PPP2R5E: variants seen among roughly 807,000 people sequenced by gnomAD.
The protein encoded by PPP2R5E is serine/threonine-protein phosphatase 2A 56 kDa regulatory subunit epsilon isoform.
PPP2R5E carries 4 observed loss-of-function variants against 65.3 expected under a neutral mutation model. The ratio of observed to expected loss-of-function variants is 0.06; its 90% confidence interval spans 0.03 to 0.14. PPP2R5E has a LOEUF of 0.14. Ranked by LOEUF, PPP2R5E falls within the 10% of genes least tolerant of loss-of-function variation. PPP2R5E has a pLI of 1.00. For missense variants in PPP2R5E, 274 were observed against 556.1 expected, an observed-to-expected ratio of 0.49 and a Z score of 5.10; for synonymous variants, 183 against 187.4, an observed-to-expected ratio of 0.98 and a Z score of 0.19.
chr14:63,471,155 A>G (rs975075439), intron 2 of PPP2R5E, among the ~76,000 whole-genome samples: 5 of 152,238 alleles, frequency 3.3e-5, no homozygotes, highest in Non-Finnish European at 7.3e-5. Context: ...TGGAGAGTAC[A>G]CATAAAAATG....
intron 5 of PPP2R5E, among the ~76,000 whole-genome samples, chr14:63,397,626 T>C (rs953819744): frequency 6.6e-6 from 1 of 152,028 alleles, no homozygotes; most frequent in South Asian, 2.1e-4. Context: ...GCAATGGTCC[T>C]TTTTAGATCC....
At chr14:63,510,600 T>C (rs74056136) in intron 2 of PPP2R5E, among the ~76,000 whole-genome samples, 1 of 152,146 alleles carries the variant, frequency 6.6e-6, no homozygotes, top group African/African-American at 2.4e-5. Flanking sequence ...ACACGCTGAG[T>C]ATCCGGTAGA....
intron 10 of PPP2R5E, 41 bp from the exon 11 acceptor site, chr14:63,389,772 G>GA (rs777502372): frequency 3.9e-5 from 59 of 1,509,398 alleles, no homozygotes; most frequent in East Asian, 2.9e-4. Flanking sequence ...GGCACATCAT[G>GA]AAAAAAAATC....
chr14:63,450,692 T>G (rs1284169096), intron 3 of PPP2R5E, among the ~76,000 whole-genome samples: 2 of 151,820 alleles, frequency 1.3e-5, no homozygotes, highest in Non-Finnish European at 2.9e-5. Context: ...GTATTATGGA[T>G]GCCACAGATA....
chr14:63,457,298 T>C (rs924446369), intron 2 of PPP2R5E, among the ~76,000 whole-genome samples: 3 of 152,204 alleles, frequency 2.0e-5, no homozygotes, highest in African/African-American at 7.2e-5. Context: ...AAGCAGTCCC[T>C]GAAGTAGATC....
chr14:63,496,774 G>A (rs1891592429), intron 2 of PPP2R5E, among the ~76,000 whole-genome samples: 1 of 149,882 alleles, frequency 6.7e-6, no homozygotes, highest in Admixed American at 6.7e-5. Flanking sequence ...AATCTTAAAA[G>A]AATAAGCAAA....
intron 2 of PPP2R5E, among the ~76,000 whole-genome samples, chr14:63,469,698 A>C (rs1159429012): frequency 1.3e-5 from 2 of 152,240 alleles, no homozygotes; most frequent in African/African-American, 4.8e-5. Context: ...CGTTTCAAAA[A>C]AATCAAGTAA....
intron 2 of PPP2R5E, among the ~76,000 whole-genome samples, chr14:63,516,328 G>GA (rs1446619702): frequency 2.6e-5 from 4 of 151,910 alleles, no homozygotes; most frequent in Non-Finnish European, 5.9e-5. Context: ...GGAAGAAAAA[G>GA]AAAAAAATCT....
intron 13 of PPP2R5E, among the ~76,000 whole-genome samples, chr14:63,379,826 C>CTTTTTTTTTTTTTT (rs558475440): frequency 2.0e-5 from 2 of 100,300 alleles, no homozygotes; most frequent in African/African-American, 1.0e-4. Flanking sequence ...TATTCTCTCT[C>CTTTTTTTTTTTTTT]TTTTTTTTTT....
At chr14:63,380,676 A>C (rs1566661476) in intron 13 of PPP2R5E, among the ~76,000 whole-genome samples, 1 of 152,090 alleles carries the variant, frequency 6.6e-6, no homozygotes, top group Non-Finnish European at 1.5e-5. Context: ...AACAAAAAAA[A>C]AAAAGTTGTT....
chr14:63,396,754 GTT>G, intron 5 of PPP2R5E, 38 bp from the exon 6 acceptor site: 1 of 1,596,840 alleles, frequency 6.3e-7, no homozygotes, highest in Middle Eastern at 1.7e-4. Context: ...GTCAAAGGCG[GTT>G]TCAGAAAAGG....
chr14:63,474,687 A>C (rs1363894679), intron 2 of PPP2R5E, among the ~76,000 whole-genome samples: 6 of 150,488 alleles, frequency 4.0e-5, no homozygotes, highest in South Asian at 2.1e-4. Context: ...AAAAAAAAAA[A>C]AAAAAAAAAA....
At chr14:63,477,557 G>A (rs1470205118) in intron 2 of PPP2R5E, among the ~76,000 whole-genome samples, 1 of 152,012 alleles carries the variant, frequency 6.6e-6, no homozygotes, top group Non-Finnish European at 1.5e-5. Context: ...AAGGAGATGG[G>A]AAGGAGAGGA....
intron 2 of PPP2R5E, among the ~76,000 whole-genome samples, chr14:63,512,403 G>A (rs28744493): frequency 0.13 from 20,489 of 152,150 alleles, 1,504 homozygotes; most frequent in African/African-American, 0.17. Context: ...AAGAGTAAAA[G>A]CATTTATGCT....
At chr14:63,400,372 T>C (rs1373470061) in intron 5 of PPP2R5E, among the ~76,000 whole-genome samples, 1 of 152,168 alleles carries the variant, frequency 6.6e-6, no homozygotes, top group Non-Finnish European at 1.5e-5. Flanking sequence ...CAAAGGCTTC[T>C]AAAGGAAGAG....
chr14:63,513,404 C>A (rs1006355081), intron 2 of PPP2R5E, among the ~76,000 whole-genome samples: 3 of 152,156 alleles, frequency 2.0e-5, no homozygotes, highest in Non-Finnish European at 4.4e-5. Context: ...AAATACTGTA[C>A]AATCTTTCAA....
chr14:63,512,239 A>T (rs1448810254), intron 2 of PPP2R5E, among the ~76,000 whole-genome samples: 1 of 152,182 alleles, frequency 6.6e-6, no homozygotes, highest in Non-Finnish European at 1.5e-5. Flanking sequence ...CTCTTTCAAG[A>T]TCATCTAGAT....
intron 2 of PPP2R5E, among the ~76,000 whole-genome samples, chr14:63,506,502 G>T (rs1892187751): frequency 6.6e-6 from 1 of 152,010 alleles, no homozygotes; most frequent in African/African-American, 2.4e-5. Flanking sequence ...CCAAAAGTAG[G>T]CAAAGGATTT....
intron 2 of PPP2R5E, among the ~76,000 whole-genome samples, chr14:63,473,038 G>A (rs776693451): frequency 6.6e-6 from 1 of 152,150 alleles, no homozygotes; most frequent in South Asian, 2.1e-4. Flanking sequence ...AAGAAGCTGA[G>A]ATACCAGAAG....
Sources: allele counts gnomAD v4.1 joint callset (sites outside exome capture counted in the v4.1 genomes callset), GRCh38; gene constraint gnomAD v4.1.1; transcripts MANE v1.5; gene names NCBI Gene and HGNC (gene_info 2026-07-23, HGNC 2026-07-21).